Variants in METAP1D observed in about 807,000 individuals in gnomAD.
The protein encoded by METAP1D is methionine aminopeptidase 1D, mitochondrial.
METAP1D carries 31 observed loss-of-function variants against 40.5 expected under a neutral mutation model. That is an observed-to-expected ratio of 0.77 (90% CI 0.58 to 1.03). The LOEUF is 1.03. Ranked by LOEUF, METAP1D falls within the 50% of genes least tolerant of loss-of-function variation. The pLI is 0.00. For synonymous variants in METAP1D, 151 were observed against 146.4 expected (o/e 1.03, Z -0.22); for missense variants, 411 against 420.7 (o/e 0.98, Z 0.20).
intron 1 of METAP1D, among the ~76,000 whole-genome samples, chr2:172,043,108 TATATATA>T (rs1352840285): frequency 0.081 from 2,597 of 31,976 alleles, 342 homozygotes; most frequent in East Asian, 0.29. Flanking sequence ...TATATATATA[TATATATA>T]TATTTTTTGG....
intron 1 of METAP1D, among the ~76,000 whole-genome samples, chr2:172,030,221 C>T (rs1446230168): frequency 6.6e-6 from 1 of 151,656 alleles, no homozygotes; most frequent in East Asian, 1.9e-4. Context: ...TCCTGAGTAG[C>T]TGGGATTACA....
rs533021057 is a variant in METAP1D at position 172,077,691 on chromosome 2, C to T, written c.705-106C>T. The T allele has an allele frequency of 1.1e-4, 59 of 559,510 alleles. No individual in the cohort carries two copies. The South Asian group carries it at 1.3e-3, about 13-fold the overall frequency. 34.7% of individuals were successfully genotyped at this position (559,510 alleles called of 1,614,324 possible). On this transcript the variant is annotated intron_variant, in intron 6 of 9. Transcript: ENST00000315796. Reference sequence around the variant, plus strand: ...TGTTATTATCTGACTCTAAATATTACTGACTTTTTCTTTTTCAGAGAATAT... The same window carrying T: ...TGTTATTATCTGACTCTAAATATTATTGACTTTTTCTTTTTCAGAGAATAT...
intron 1 of METAP1D, among the ~76,000 whole-genome samples, chr2:172,059,878 G>A (rs1472655457): frequency 1.3e-5 from 2 of 152,080 alleles, no homozygotes; most frequent in African/African-American, 2.4e-5. Flanking sequence ...GTGAAACCCC[G>A]TCTCTACTAA....
At chr2:172,035,147 G>GTT (rs539548685) in intron 1 of METAP1D, among the ~76,000 whole-genome samples, 27 of 147,752 alleles carry the variant, frequency 1.8e-4, no homozygotes, top group African/African-American at 5.4e-4. Flanking sequence ...ACTGTACTGT[G>GTT]TTTTTTTTTT....
intron 1 of METAP1D, among the ~76,000 whole-genome samples, chr2:172,002,022 A>G (rs1021881753): frequency 2.1e-5 from 3 of 142,964 alleles, no homozygotes; most frequent in African/African-American, 7.9e-5. Context: ...GCCTGAACCC[A>G]GGAGGCGGAG....
At position 172,007,679 on chromosome 2, in the gene METAP1D, TG is replaced by T. The variant is rs1347169982; in HGVS notation, c.40+7672del. ...AATTCTAGTACCAGTTATGCTGGAATGGATGGAAAAGGATATTAATTTTGTT... is the reference window on the plus strand; with the variant it reads ...AATTCTAGTACCAGTTATGCTGGAATGATGGAAAAGGATATTAATTTTGTT... On this transcript the variant is annotated intron_variant, in intron 1 of 9. Coordinates refer to ENST00000315796, the MANE Select transcript of METAP1D (RefSeq NM_199227.3). Among the ~76,000 whole-genome samples, 3 of 152,148 alleles carry T rather than the reference TG, an allele frequency of 2.0e-5. No homozygotes were observed. The East Asian group carries it at 5.8e-4, about 29-fold the overall frequency.
At chr2:172,078,131 T>C (rs1382593153) in intron 7 of METAP1D, among the ~76,000 whole-genome samples, 2 of 152,178 alleles carry the variant, frequency 1.3e-5, no homozygotes, top group Non-Finnish European at 2.9e-5. Context: ...GCTCTCTGTC[T>C]TCTCCTGAAG....
chr2:172,061,646 G>A lies in METAP1D; in HGVS notation c.189G>A (p.Pro63=), dbSNP rs765352615. The change falls in exon 2 of 10, where the codon CCG becomes CCA. Residue 63 remains proline (P), a synonymous_variant. Transcript: ENST00000315796. ...CGGCTGCAGTTTCTTCAGCTCATCC[G>A]GTTCCTAAGGTACTGTATTGCCTAT... ...VLPAAVSSAH[P]VPKHIKKPDY... 8.7e-6 allele frequency: 14 copies of A among 1,611,026 alleles called. No homozygotes were observed. Among genetic ancestry groups the A allele is most frequent in the African/African-American group, 6.7e-5 (5 of 74,742 alleles).
intron 1 of METAP1D, among the ~76,000 whole-genome samples, chr2:172,004,563 G>A (rs576290438): frequency 7.5e-4 from 114 of 152,228 alleles, no homozygotes; most frequent in African/African-American, 2.6e-3. Flanking sequence ...GACCTCTGGT[G>A]ACGCACCTGC....
intron 1 of METAP1D, among the ~76,000 whole-genome samples, chr2:172,002,197 T>G (rs1228903584): frequency 6.6e-6 from 1 of 151,322 alleles, no homozygotes; most frequent in African/African-American, 2.4e-5. Context: ...ATAGTCAATG[T>G]AGAGGAGGAG....
intron 1 of METAP1D, among the ~76,000 whole-genome samples, chr2:172,021,044 C>G (rs1331716452): frequency 6.6e-6 from 1 of 151,734 alleles, no homozygotes; most frequent in Non-Finnish European, 1.5e-5. Context: ...AGCCACAAAC[C>G]AGAAAAAAAT....
intron 6 of METAP1D, among the ~76,000 whole-genome samples, chr2:172,071,420 G>A (rs971796881): frequency 1.3e-5 from 2 of 152,114 alleles, no homozygotes; most frequent in African/African-American, 4.8e-5. Context: ...CTCAACCCTG[G>A]GGTTTTTAAT....
intron 1 of METAP1D, among the ~76,000 whole-genome samples, chr2:172,054,012 T>C (rs1158343338): frequency 6.6e-6 from 1 of 152,200 alleles, no homozygotes; most frequent in Non-Finnish European, 1.5e-5. Flanking sequence ...AAAATACTTA[T>C]TGACCAAAAG....
At chr2:172,027,822 A>T (rs1002284919) in intron 1 of METAP1D, among the ~76,000 whole-genome samples, 1 of 152,212 alleles carries the variant, frequency 6.6e-6, no homozygotes, top group East Asian at 1.9e-4. Context: ...GTGTCTGCTC[A>T]TGTGACAAGT....
chr2:172,062,682 C>T (rs1002716404), intron 2 of METAP1D, among the ~76,000 whole-genome samples: 1 of 152,104 alleles, frequency 6.6e-6, no homozygotes, highest in African/African-American at 2.4e-5. Context: ...AGTAGATGTT[C>T]CTCTGGAGCT....
chr2:172,045,697 A>ATGTGTGTGTG (rs1484116141), intron 1 of METAP1D, among the ~76,000 whole-genome samples: 5 of 65,920 alleles, frequency 7.6e-5, no homozygotes, highest in Non-Finnish European at 1.4e-4. Context: ...TCATTCATAT[A>ATGTGTGTGTG]TATGTGTGTG....
At chr2:172,004,363 G>T (rs1219601496) in intron 1 of METAP1D, among the ~76,000 whole-genome samples, 1 of 151,064 alleles carries the variant, frequency 6.6e-6, no homozygotes, top group East Asian at 2.0e-4. Context: ...TTGCTCTGTT[G>T]CCCAGGCTGG....
At chr2:172,040,593 A>G (rs2105433224) in intron 1 of METAP1D, among the ~76,000 whole-genome samples, 1 of 152,328 alleles carries the variant, frequency 6.6e-6, no homozygotes, top group East Asian at 1.9e-4. Context: ...ACAGCGTTTT[A>G]GGAACTAGAG....
rs57734582 is a variant in METAP1D at position 172,019,026 on chromosome 2, C to T, written c.40+19017C>T. Among the ~76,000 whole-genome samples the T allele has an allele frequency of 7.2e-3, 1,089 of 152,158 alleles. 66 individuals are homozygous for T. The East Asian group carries it at 0.15, about 21-fold the overall frequency. ...CCATGGATTTCCAGATATCTGAGAA[C>T]GCCTCTAATATAAAAGACAAATACC... On this transcript the variant is annotated intron_variant, in intron 1 of 9. Coordinates refer to ENST00000315796, the MANE Select transcript of METAP1D (RefSeq NM_199227.3).
Sources: allele counts gnomAD v4.1 joint callset (sites outside exome capture counted in the v4.1 genomes callset), GRCh38; gene constraint gnomAD v4.1.1; transcripts MANE v1.5; gene names NCBI Gene and HGNC (gene_info 2026-07-23, HGNC 2026-07-21).